The following SYN3 variants were observed in gnomAD, a reference collection of about 807,000 sequenced individuals.
SYN3 encodes the protein synapsin III, also known as synapsin-3.
A neutral mutation model predicts 65.8 loss-of-function variants in SYN3; 35 were observed. That is an observed-to-expected ratio of 0.53 (90% CI 0.41 to 0.70). The LOEUF (loss-of-function observed/expected upper bound fraction) is 0.70. Among genes scored for constraint, SYN3 ranks in the 30% least tolerant of loss-of-function variants. SYN3 has a pLI of 0.00. For missense variants in SYN3, 680 were observed against 749.0 expected, an observed-to-expected ratio of 0.91 and a Z score of 1.08; for synonymous variants, 270 against 292.9, an observed-to-expected ratio of 0.92 and a Z score of 0.80.
Position 32,656,618 on chromosome 22 carries a change from G to T in SYN3, c.712-59882C>A, listed in dbSNP as rs1227125641. 5.3e-5 allele frequency among the ~76,000 whole-genome samples: 8 copies of T among 152,160 alleles called. No individual in the cohort carries two copies. In the East Asian group the frequency reaches 7.7e-4, roughly 15 times the overall value. On this transcript the variant is annotated intron_variant, in intron 6 of 13. Transcript: ENST00000358763. Reference sequence around the variant, plus strand: ...AGTAGGACTTTTTGAGTCTGTAAAAGGAGTCTTGTCTTAAGCAAAATCAGA... The same window carrying T: ...AGTAGGACTTTTTGAGTCTGTAAAATGAGTCTTGTCTTAAGCAAAATCAGA...
chr22:32,528,307 TG>T (rs1429015444), intron 11 of SYN3, among the ~76,000 whole-genome samples: 1 of 152,068 alleles, frequency 6.6e-6, no homozygotes, highest in East Asian at 1.9e-4. Flanking sequence ...TTACTTTCTG[TG>T]GGGAAATCTG....
intron 1 of SYN3, among the ~76,000 whole-genome samples, chr22:33,026,233 G>A (rs133967): frequency 0.67 from 102,443 of 152,104 alleles, 35,154 homozygotes; most frequent in African/African-American, 0.76. Context: ...GCTTGCTGAC[G>A]GTGTATCTGT....
At chr22:32,794,204 C>T (rs2046380321) in intron 6 of SYN3, among the ~76,000 whole-genome samples, 1 of 151,854 alleles carries the variant, frequency 6.6e-6, no homozygotes, top group Non-Finnish European at 1.5e-5. Flanking sequence ...ATGATGCCCT[C>T]AATCCCTGTA....
At chr22:32,995,732 G>A (rs372329719) in intron 2 of SYN3, among the ~76,000 whole-genome samples, 4 of 151,918 alleles carry the variant, frequency 2.6e-5, no homozygotes, top group African/African-American at 4.8e-5. Flanking sequence ...GCACTATCTC[G>A]GCTCACTGCA....
At chr22:32,724,243 CTGTTT>C (rs10533121) in intron 6 of SYN3, among the ~76,000 whole-genome samples, 43,787 of 151,252 alleles carry the variant, frequency 0.29, 8,361 homozygotes, top group East Asian at 0.65. Flanking sequence ...GGGTACTTTT[CTGTTT>C]TGTTTTGTTT....
chr22:32,839,653 C>T (rs2047837093), intron 6 of SYN3, among the ~76,000 whole-genome samples: 1 of 152,116 alleles, frequency 6.6e-6, no homozygotes, highest in South Asian at 2.1e-4. Context: ...TGACTTTAAG[C>T]AGTTAGATTA....
intron 4 of SYN3, among the ~76,000 whole-genome samples, chr22:32,881,192 C>T (rs762219599): frequency 1.3e-5 from 2 of 152,042 alleles, no homozygotes; most frequent in Non-Finnish European, 2.9e-5. Context: ...TCCTCGGCAG[C>T]GGCTGGAACG....
At chr22:32,809,421 A>G (rs2046852690) in intron 6 of SYN3, among the ~76,000 whole-genome samples, 1 of 151,660 alleles carries the variant, frequency 6.6e-6, no homozygotes, top group Admixed American at 6.6e-5. Flanking sequence ...GCTGCCCCCA[A>G]ATTTTATTAC....
intron 7 of SYN3, among the ~76,000 whole-genome samples, chr22:32,566,078 A>T (rs1033206334): frequency 6.6e-6 from 1 of 152,042 alleles, no homozygotes; most frequent in Non-Finnish European, 1.5e-5. Flanking sequence ...CCTGACCTAA[A>T]GTGATCCTCC....
intron 9 of SYN3, among the ~76,000 whole-genome samples, 174 bp from the exon 10 acceptor site, chr22:32,534,069 A>G (rs2058122514): frequency 1.3e-5 from 2 of 152,198 alleles, no homozygotes; most frequent in African/African-American, 2.4e-5. Flanking sequence ...ACGGAGAGAG[A>G]GTTGGAGTCC....
chr22:32,851,689 C>T (rs2048222683), intron 6 of SYN3, among the ~76,000 whole-genome samples: 1 of 152,168 alleles, frequency 6.6e-6, no homozygotes. Flanking sequence ...GATCTGATCC[C>T]CAAGCTGAGG....
chr22:32,546,438 G>C (rs1027623374), intron 7 of SYN3, among the ~76,000 whole-genome samples: 2 of 152,198 alleles, frequency 1.3e-5, no homozygotes, highest in Non-Finnish European at 2.9e-5. Flanking sequence ...ATGCATTCTT[G>C]GGTAGGTGCT....
chr22:32,904,324 G>A (rs2049843366), intron 4 of SYN3, among the ~76,000 whole-genome samples: 12 of 152,172 alleles, frequency 7.9e-5, no homozygotes, highest in Admixed American at 7.9e-4. Flanking sequence ...TTTCCAAGCA[G>A]TCTATCCTCT....
intron 6 of SYN3, among the ~76,000 whole-genome samples, chr22:32,715,480 T>C (rs942186834): frequency 6.6e-6 from 1 of 152,154 alleles, no homozygotes; most frequent in Non-Finnish European, 1.5e-5. Context: ...CATGCTACCA[T>C]TTTTAAAAAG....
At chr22:32,593,898 T>G (rs1456783921) in intron 7 of SYN3, among the ~76,000 whole-genome samples, 2 of 149,640 alleles carry the variant, frequency 1.3e-5, no homozygotes, top group African/African-American at 2.5e-5. Context: ...CAAGAAGGAG[T>G]GGCAAGAGAC....
intron 6 of SYN3, among the ~76,000 whole-genome samples, chr22:32,769,123 C>T (rs185429099): frequency 2.0e-5 from 3 of 152,334 alleles, no homozygotes; most frequent in Admixed American, 2.0e-4. Flanking sequence ...TTCATTTCAA[C>T]ACGCCATTGT....
At chr22:32,924,308 A>G (rs1259811475) in intron 4 of SYN3, among the ~76,000 whole-genome samples, 2 of 152,158 alleles carry the variant, frequency 1.3e-5, no homozygotes, top group Non-Finnish European at 2.9e-5. Context: ...GCACATTCTC[A>G]TGGGTCTGAC....
At chr22:32,568,681 C>T (rs139615140) in intron 7 of SYN3, among the ~76,000 whole-genome samples, 96 of 152,218 alleles carry the variant, frequency 6.3e-4, no homozygotes, top group African/African-American at 2.2e-3. Context: ...CATGACCTCC[C>T]GAAGGCTCCA....
intron 6 of SYN3, among the ~76,000 whole-genome samples, chr22:32,829,233 C>T (rs767591427): frequency 3.3e-5 from 5 of 152,210 alleles, no homozygotes; most frequent in African/African-American, 9.6e-5. Context: ...ATTACTGATA[C>T]CCTCTTTGAT....
Sources: allele counts gnomAD v4.1 joint callset (sites outside exome capture counted in the v4.1 genomes callset), GRCh38; gene constraint gnomAD v4.1.1; transcripts MANE v1.5; gene names NCBI Gene and HGNC (gene_info 2026-07-23, HGNC 2026-07-21).